The following SUMF1 variants were observed in gnomAD, a reference collection of about 807,000 sequenced individuals.
SUMF1 encodes sulfatase modifying factor 1.
Under a neutral mutation model 47.6 loss-of-function variants are expected in SUMF1, and 48 were observed. The observed-to-expected ratio is 1.01, with a 90% confidence interval of 0.80 to 1.28. SUMF1 has a LOEUF of 1.28. SUMF1 is among the 50% of genes most tolerant of loss of function. The probability of loss-of-function intolerance (pLI) is 0.00; values close to 1 mark genes in which losing one functional copy is unlikely to be tolerated. For missense variants in SUMF1, 571 were observed against 485.4 expected (o/e 1.18, Z -1.66); for synonymous variants, 230 against 192.1 (o/e 1.20, Z -1.63).
intron 1 of SUMF1, among the ~76,000 whole-genome samples, chr3:4,464,490 T>C (rs1486162971): frequency 6.6e-6 from 1 of 152,134 alleles, no homozygotes; most frequent in African/African-American, 2.4e-5. Flanking sequence ...TATGGGTCTT[T>C]TTCTGTATGC....
At chr3:4,366,308 G>C (rs1404694873) in intron 8 of SUMF1, among the ~76,000 whole-genome samples, 2 of 152,224 alleles carry the variant, frequency 1.3e-5, no homozygotes, top group African/African-American at 4.8e-5. Context: ...AACCTGCAGA[G>C]TGTTTCCAAC....
chr3:4,051,912 T>G (rs914538876), intron 9 of SUMF1, among the ~76,000 whole-genome samples: 3 of 152,154 alleles, frequency 2.0e-5, no homozygotes, highest in African/African-American at 7.2e-5. Flanking sequence ...CTTTAGATTA[T>G]GAGTGACGTA....
intron 3 of SUMF1, among the ~76,000 whole-genome samples, chr3:4,444,930 T>C (rs1702728613): frequency 6.6e-6 from 1 of 152,164 alleles, no homozygotes; most frequent in Non-Finnish European, 1.5e-5. Context: ...GGAGCAGATC[T>C]TGGCCTCACA....
chr3:4,463,307 T>C (rs2079861570), intron 1 of SUMF1, among the ~76,000 whole-genome samples: 1 of 152,120 alleles, frequency 6.6e-6, no homozygotes, highest in South Asian at 2.1e-4. Flanking sequence ...CTGGCCAACG[T>C]GGTAAAACCC....
chr3:4,189,613 G>A (rs1695272417), intron 8 of SUMF1, among the ~76,000 whole-genome samples: 1 of 152,010 alleles, frequency 6.6e-6, no homozygotes, highest in Non-Finnish European at 1.5e-5. Flanking sequence ...GCTGTGACAA[G>A]GCAAATGGTG....
chr3:4,443,149 G>A (rs1702662888), intron 3 of SUMF1, among the ~76,000 whole-genome samples: 1 of 152,004 alleles, frequency 6.6e-6, no homozygotes, highest in South Asian at 2.1e-4. Flanking sequence ...GTGGTGGCGG[G>A]CCCCTGTAAT....
intron 8 of SUMF1, among the ~76,000 whole-genome samples, chr3:4,249,760 T>C (rs77018434): frequency 0.019 from 2,827 of 152,276 alleles, 88 homozygotes; most frequent in African/African-American, 0.065. Context: ...AAAAGGCACA[T>C]TGAAAGTCAA....
At chr3:4,266,607 G>A (rs1697199761) in intron 8 of SUMF1, among the ~76,000 whole-genome samples, 2 of 151,942 alleles carry the variant, frequency 1.3e-5, no homozygotes. Flanking sequence ...TTGCTTATCA[G>A]CTTAAGGAGA....
chr3:4,449,147 C>A, intron 3 of SUMF1, 119 bp downstream of exon 3: 1 of 1,105,214 alleles, frequency 9.0e-7, no homozygotes. Context: ...CAATCCTCAG[C>A]AGGAGAATGG....
intron 8 of SUMF1, among the ~76,000 whole-genome samples, chr3:4,110,342 A>G (rs59364395): frequency 0.15 from 22,683 of 151,918 alleles, 3,628 homozygotes; most frequent in African/African-American, 0.39. Flanking sequence ...CTACTGGGGG[A>G]TGCCTCCTAG....
chr3:4,288,155 A>G (rs959923350), intron 8 of SUMF1, among the ~76,000 whole-genome samples: 6 of 152,186 alleles, frequency 3.9e-5, no homozygotes, highest in Admixed American at 2.0e-4. Flanking sequence ...GGAATATACA[A>G]TAATACAAAT....
rs1036952753 is a variant in SUMF1, at chr3:4,362,061, T to G, written c.*83A>C. On this transcript the variant is annotated 3_prime_UTR_variant, in exon 9 of 9. Coordinates refer to ENST00000272902, the MANE Select transcript of SUMF1 (RefSeq NM_182760.4). The stretch of plus-strand genomic sequence containing the variant: ...CACCTCAGGGTGGGAATTCTTTGCA[T>G]GGGATCGTTCAAAGTTCTGAGAAAA... The G allele has an allele frequency of 7.4e-7, 1 of 1,356,920 alleles. No homozygotes were observed. Among genetic ancestry groups the G allele is most frequent in the Non-Finnish European group, 1.0e-6 (1 of 954,182 alleles). The allele number at this position is 1,356,920 out of a possible 1,614,324, so 84.1% of individuals were successfully genotyped here.
chr3:4,228,077 G>C (rs2124979155), intron 8 of SUMF1, among the ~76,000 whole-genome samples: 1 of 152,102 alleles, frequency 6.6e-6, no homozygotes, highest in South Asian at 2.1e-4. Flanking sequence ...AAGCAGAAGG[G>C]GTGTGGTGGA....
chr3:4,375,439 G>T (rs760868245), intron 8 of SUMF1, among the ~76,000 whole-genome samples: 17 of 152,164 alleles, frequency 1.1e-4, no homozygotes, highest in Non-Finnish European at 1.8e-4. Context: ...CAGAATGGGG[G>T]TGAGTGAGGA....
chr3:4,338,848 T>C (rs1022534262), intron 8 of SUMF1, among the ~76,000 whole-genome samples: 1 of 152,082 alleles, frequency 6.6e-6, no homozygotes. Flanking sequence ...ATTTAGTGTG[T>C]GTGTGCAAAT....
At chr3:4,156,355 T>C (rs1220011949) in intron 8 of SUMF1, among the ~76,000 whole-genome samples, 1 of 151,654 alleles carries the variant, frequency 6.6e-6, no homozygotes. Context: ...GTTTCAACTT[T>C]GTAGAACTAA....
intron 8 of SUMF1, among the ~76,000 whole-genome samples, chr3:4,216,757 G>A (rs989995261): frequency 6.6e-6 from 1 of 152,162 alleles, no homozygotes; most frequent in African/African-American, 2.4e-5. Flanking sequence ...ACAAACATAT[G>A]AAAAAATGCT....
chr3:4,434,644 G>A (rs1702339813), intron 3 of SUMF1, among the ~76,000 whole-genome samples: 1 of 151,974 alleles, frequency 6.6e-6, no homozygotes, highest in Non-Finnish European at 1.5e-5. Context: ...AGCTCTATGG[G>A]GTAGCATTAT....
chr3:4,265,624 T>C (rs985799904), intron 8 of SUMF1, among the ~76,000 whole-genome samples: 2 of 152,182 alleles, frequency 1.3e-5, no homozygotes, highest in African/African-American at 2.4e-5. Flanking sequence ...AGATTCTGGA[T>C]ATTAGCCCTT....
Sources: gnomAD v4.1 joint callset for allele counts (sites outside exome capture counted in the v4.1 genomes callset) on GRCh38, gnomAD v4.1.1 for gene constraint, MANE v1.5 for transcripts, NCBI Gene and HGNC (gene_info 2026-07-23, HGNC 2026-07-21) for gene names.